CCDC174: variants seen among roughly 807,000 people sequenced by gnomAD.
CCDC174 encodes the protein coiled-coil domain-containing protein 174.
In CCDC174, 37 loss-of-function variants were observed where a neutral mutation model predicts 57.1. The ratio of observed to expected loss-of-function variants is 0.65; its 90% CI spans 0.50 to 0.85. The LOEUF (loss-of-function observed/expected upper bound fraction) is 0.85. CCDC174 is among the 40% of genes least tolerant of loss of function. The probability of loss-of-function intolerance (pLI) is 0.00; values close to 1 mark genes in which losing one functional copy is unlikely to be tolerated. For synonymous variants in CCDC174, 182 were observed against 190.2 expected, an observed-to-expected ratio of 0.96 and a Z score of 0.35; for missense variants, 540 against 574.3, an observed-to-expected ratio of 0.94 and a Z score of 0.61.
At chr3:14,654,852 A>G (rs531827192) in intron 2 of CCDC174, among the ~76,000 whole-genome samples, 3 of 152,348 alleles carry the variant, frequency 2.0e-5, no homozygotes, top group African/African-American at 7.2e-5. Flanking sequence ...ATATAGGAAT[A>G]TAGCGGAAAA....
chr3:14,655,592 C>G lies in CCDC174; in HGVS notation c.211C>G (p.Gln71Glu). The G allele has an allele frequency of 6.2e-7, 1 of 1,609,190 alleles. No homozygotes were observed. The highest frequency in any genetic ancestry group is 1.1e-5 in the South Asian group (1 of 90,546). ...AAATCGAGCTGAGAAGGATGCTGAACAGAAGATTGAAGAACAGAAGACTTT... is the reference window on the plus strand; with the variant it reads ...AAATCGAGCTGAGAAGGATGCTGAAGAGAAGATTGAAGAACAGAAGACTTT... ...VSNRAEKDAE[Q>E]KIEEQKTLDK... Residue 71 changes from glutamine to glutamate, a missense_variant, in exon 3 of 11, where the codon CAG (glutamine) becomes GAG (glutamate). Gln to Glu is a conservative substitution (Grantham distance 29). Transcript: ENST00000383794.
chr3:14,659,743 A>G (rs1403407704), intron 4 of CCDC174, among the ~76,000 whole-genome samples: 1 of 152,210 alleles, frequency 6.6e-6, no homozygotes. Flanking sequence ...TCCCCCAGAA[A>G]AAACCCAATC....
chr3:14,655,867 A>G (rs1217622144), intron 3 of CCDC174, among the ~76,000 whole-genome samples: 18 of 152,208 alleles, frequency 1.2e-4, no homozygotes, highest in Non-Finnish European at 2.6e-4. Context: ...TTTGTTAGAC[A>G]CTAAGATTAT....
chr3:14,670,873 ACTTT>A lies in CCDC174; in HGVS notation c.1106-15_1106-12del, dbSNP rs749885233. 26 of 1,563,768 alleles carry A rather than the reference ACTTT, an allele frequency of 1.7e-5. No individual in the cohort carries two copies. The highest frequency in any genetic ancestry group is 2.3e-5 in the East Asian group (1 of 44,322). On this transcript the variant is annotated intron_variant, in intron 10 of 10. Coordinates refer to ENST00000383794, the MANE Select transcript of CCDC174 (RefSeq NM_016474.5). ...ACTGATTCGTTAATCAGTTCTAATA[ACTTT>A]CTTTCTTATTTTTACCAGAATTTTC...
At chr3:14,669,560 T>A (rs944596863) in intron 9 of CCDC174, among the ~76,000 whole-genome samples, 1 of 152,058 alleles carries the variant, frequency 6.6e-6, no homozygotes, top group Non-Finnish European at 1.5e-5. Flanking sequence ...GTTAGTTGAG[T>A]GATTTGGGGA....
intron 8 of CCDC174, 97 bp from the exon 9 acceptor site, chr3:14,667,952 A>G: frequency 8.1e-7 from 1 of 1,240,234 alleles, no homozygotes; most frequent in Non-Finnish European, 1.1e-6. Context: ...CCTGAAGATC[A>G]ATTAACTAGT....
Position 14,651,895 on chromosome 3 carries a change from G to C in CCDC174, c.42+17G>C, listed in dbSNP as rs1273867874. On this transcript the variant is annotated intron_variant, in intron 1 of 10. Transcript: ENST00000383794. ...GCCTCCTCGGTGAGTGAGGGTATGA[G>C]GTAACTCCACGGGCTCCGGGTTCAC... 1 of 1,613,132 alleles carries C rather than the reference G, an allele frequency of 6.2e-7. No individual in the cohort carries two copies.
chr3:14,654,774 A>G (rs1240408535), intron 2 of CCDC174, among the ~76,000 whole-genome samples: 2 of 152,254 alleles, frequency 1.3e-5, no homozygotes, highest in Non-Finnish European at 2.9e-5. Flanking sequence ...TTTACATTTC[A>G]TAAACAGATG....
chr3:14,671,175 AT>A lies in CCDC174; in HGVS notation c.1387del (p.Tyr463ThrfsTer4). 1 of 1,610,054 alleles carries A rather than the reference AT, an allele frequency of 6.2e-7. No individual in the cohort carries two copies. Among genetic ancestry groups the A allele is most frequent in the Non-Finnish European group, 8.5e-7 (1 of 1,176,970 alleles). On this transcript the variant is annotated frameshift_variant, in exon 11 of 11. Coordinates refer to ENST00000383794, the MANE Select transcript of CCDC174 (RefSeq NM_016474.5). LOFTEE classifies it high-confidence loss of function. ...AAAACTCTGGATGACATGATTTCCT[AT>A]TACAAACAAGTGACATGATCTTTCA... ...TFKTLDDMIS[Y>X]YKQVT
chr3:14,654,567 A>G, intron 2 of CCDC174, 37 bp downstream of exon 2: 1 of 981,938 alleles, frequency 1.0e-6, no homozygotes, highest in Non-Finnish European at 1.6e-6. Flanking sequence ...ATTGGTTCCA[A>G]ACATGGGAGA....
chr3:14,658,744 C>A, intron 3 of CCDC174, 127 bp from the exon 4 acceptor site: 2 of 1,007,400 alleles, frequency 2.0e-6, no homozygotes, highest in Non-Finnish European at 2.9e-6. Flanking sequence ...GTGGTCTGTG[C>A]TGGTTGTGGT....
At chr3:14,655,915 A>G (rs2030943213) in intron 3 of CCDC174, among the ~76,000 whole-genome samples, 1 of 152,134 alleles carries the variant, frequency 6.6e-6, no homozygotes, top group African/African-American at 2.4e-5. Flanking sequence ...GGTGTGGGCT[A>G]GGTGGGATGA....
chr3:14,654,999 T>C (rs2030902295), intron 2 of CCDC174, among the ~76,000 whole-genome samples: 1 of 152,220 alleles, frequency 6.6e-6, no homozygotes, highest in Non-Finnish European at 1.5e-5. Context: ...AGATAAAAGA[T>C]AGTAGGAAGT....
In CCDC174 at chr3:14,671,223, T is replaced by C; in HGVS notation, c.*29T>C. 1 of 1,576,870 alleles carries C rather than the reference T, an allele frequency of 6.3e-7. No individual in the cohort carries two copies. Among genetic ancestry groups the C allele is most frequent in the Non-Finnish European group, 8.6e-7 (1 of 1,157,286 alleles). ...TTCAAAGCACGCTGACTTGGGTTTG[T>C]ACTTTGACAGTGCCTTTCTCTCCCA... is the stretch of plus-strand genomic sequence containing the variant. On this transcript the variant is annotated 3_prime_UTR_variant, in exon 11 of 11. Transcript: ENST00000383794.
chr3:14,663,597 G>C (rs1335931296), intron 5 of CCDC174, among the ~76,000 whole-genome samples: 1 of 152,164 alleles, frequency 6.6e-6, no homozygotes, highest in East Asian at 1.9e-4. Context: ...TGCAGGGGTT[G>C]CTCAGTGGGT....
intron 5 of CCDC174, among the ~76,000 whole-genome samples, chr3:14,663,851 GCCACCATAT>G (rs1249159552): frequency 1.3e-5 from 2 of 152,208 alleles, no homozygotes; most frequent in African/African-American, 4.8e-5. Context: ...GGTGTCACAT[GCCACCATAT>G]GGTGAAGGAA....
In CCDC174 at chr3:14,665,062, C is replaced by T. The variant is rs78185490; in HGVS notation, c.520C>T (p.Arg174Cys). The T allele has an allele frequency of 2.0e-3, 3,220 of 1,613,932 alleles. 33 individuals carry two copies. The African/African-American group carries it at 0.034, about 17-fold the overall frequency. The change falls in exon 6 of 11, where the codon CGC (arginine) becomes TGC (cysteine). Residue 174 changes from arginine to cysteine, a missense_variant. Physicochemically the swap from Arg to Cys is radical, Grantham distance 180. Coordinates refer to ENST00000383794, the MANE Select transcript of CCDC174 (RefSeq NM_016474.5). The stretch of plus-strand genomic sequence containing the variant: ...CGTGGACTCTTTGGGGCGTTCCCGG[C>T]GCTGTATGAGAAAGGATTTGCCAGA... The part of the protein sequence containing the change: ...DYVDSLGRSR[R>C]CMRKDLPDLL...
chr3:14,664,185 G>A (rs2031243166), intron 5 of CCDC174, among the ~76,000 whole-genome samples: 1 of 151,944 alleles, frequency 6.6e-6, no homozygotes, highest in Non-Finnish European at 1.5e-5. Flanking sequence ...TGCTTGAGAG[G>A]AAAAAAAATT....
rs184344524 is a variant in CCDC174 at position 14,667,482 on chromosome 3, C to G, written c.783C>G (p.Asn261Lys). 2.5e-5 allele frequency: 41 copies of G among 1,613,776 alleles called. No homozygotes were observed. In the Admixed American group the frequency reaches 5.5e-4, roughly 22 times the overall value. Residue 261 changes from asparagine to lysine, a missense_variant, in exon 8 of 11, where the codon AAC (asparagine) becomes AAG (lysine). Physicochemically the swap from Asn to Lys is moderately conservative, Grantham distance 94. Coordinates refer to ENST00000383794, the MANE Select transcript of CCDC174 (RefSeq NM_016474.5). ...FAFARDKELRNKQMKTLEMLR... is the reference protein window; with the variant it reads ...FAFARDKELRKKQMKTLEMLR... ...TTGCCCGAGACAAAGAGTTGAGAAA[C>G]AAGCAGATGAAAACCTTAGAGATGC...
Sources: gnomAD v4.1 joint callset for allele counts (sites outside exome capture counted in the v4.1 genomes callset) on GRCh38, gnomAD v4.1.1 for gene constraint, MANE v1.5 for transcripts, NCBI Gene and HGNC (gene_info 2026-07-23, HGNC 2026-07-21) for gene names.